OCLN: variants seen among roughly 807,000 people sequenced by gnomAD.
OCLN encodes the protein occludin, also known as phosphatase 1, regulatory subunit 115.
OCLN carries 21 observed loss-of-function variants against 47.9 expected under a neutral mutation model. The observed-to-expected ratio is 0.44, with a 90% CI of 0.31 to 0.63. The LOEUF is 0.63. Among genes scored for constraint, OCLN ranks in the 30% least tolerant of loss-of-function variants. OCLN has a pLI of 0.08. For synonymous variants in OCLN, 117 were observed against 198.4 expected (o/e 0.59, Z 3.45); for missense variants, 360 against 571.0 (o/e 0.63, Z 3.77).
chr5:69,500,215 G>T (rs963280487), intron 1 of OCLN, among the ~76,000 whole-genome samples: 1 of 152,098 alleles, frequency 6.6e-6, no homozygotes, highest in South Asian at 2.1e-4. Flanking sequence ...ATTGGGTGCC[G>T]TAATCCAGCC....
At chr5:69,549,698 T>G (rs1193417408) in intron 7 of OCLN, among the ~76,000 whole-genome samples, 2 of 151,468 alleles carry the variant, frequency 1.3e-5, no homozygotes, top group African/African-American at 4.8e-5. Flanking sequence ...TTACACCACC[T>G]TTTAGAGGGA....
At chr5:69,497,647 C>T (rs1295839098) in intron 1 of OCLN, among the ~76,000 whole-genome samples, 1 of 152,044 alleles carries the variant, frequency 6.6e-6, no homozygotes, top group Admixed American at 6.6e-5. Context: ...TCCCAAAGTG[C>T]TGGGATTACA....
At chr5:69,522,932 C>T (rs1373776455) in intron 4 of OCLN, among the ~76,000 whole-genome samples, 12 of 121,864 alleles carry the variant, frequency 9.8e-5, no homozygotes, top group Non-Finnish European at 1.5e-4. Context: ...TTCGCTATGT[C>T]GCCCAGGCTA....
chr5:69,496,085 A>G (rs1768279770), intron 1 of OCLN, among the ~76,000 whole-genome samples: 1 of 152,134 alleles, frequency 6.6e-6, no homozygotes, highest in Admixed American at 6.6e-5. Context: ...ATCATTTAAT[A>G]TAAGGCACAA....
chr5:69,498,056 C>T (rs1470736554), intron 1 of OCLN, among the ~76,000 whole-genome samples: 2 of 151,308 alleles, frequency 1.3e-5, no homozygotes, highest in Admixed American at 6.6e-5. Flanking sequence ...GGCGTGAACC[C>T]GGGAGGCGGA....
At chr5:69,515,153 G>T (rs1384142489) in intron 4 of OCLN, among the ~76,000 whole-genome samples, 4 of 149,916 alleles carry the variant, frequency 2.7e-5, no homozygotes, top group African/African-American at 7.4e-5. Flanking sequence ...CGGGCGGGGG[G>T]CTGACCCCCC....
rs1203237945 is a variant in OCLN at position 69,553,829 on chromosome 5, A to T, written c.*158A>T. On this transcript the variant is annotated 3_prime_UTR_variant, in exon 9 of 9. Transcript: ENST00000396442. The stretch of plus-strand genomic sequence containing the variant: ...CATCATCAGTATTGAAGCATTTTAT[A>T]AATCGCTTTTGATAATCAACTGGGC... The T allele has an allele frequency of 3.9e-5, 42 of 1,076,678 alleles. No homozygotes were observed. Among genetic ancestry groups the T allele is most frequent in the Middle Eastern group, 2.8e-4 (1 of 3,586 alleles). The allele number at this position is 1,076,678 out of a possible 1,614,324, so 66.7% of individuals were successfully genotyped here. A position where few individuals can be genotyped will look rare whatever the true frequency, so the allele number is the denominator to read the frequency against.
intron 3 of OCLN, among the ~76,000 whole-genome samples, chr5:69,510,099 C>T (rs550102957): frequency 5.1e-4 from 78 of 152,328 alleles, no homozygotes; most frequent in African/African-American, 1.8e-3. Context: ...TAAAAAGAAA[C>T]TTGTACCCGT....
At chr5:69,502,782 C>T (rs1580546464) in intron 1 of OCLN, among the ~76,000 whole-genome samples, 1 of 152,118 alleles carries the variant, frequency 6.6e-6, no homozygotes, top group East Asian at 1.9e-4. Flanking sequence ...TGAGACTTGT[C>T]TTTTTCCTGG....
At chr5:69,508,157 C>T (rs1202901655) in intron 2 of OCLN, among the ~76,000 whole-genome samples, 1 of 152,084 alleles carries the variant, frequency 6.6e-6, no homozygotes, top group African/African-American at 2.4e-5. Context: ...ATTTTCGTGC[C>T]TCAGCCTCCC....
chr5:69,532,521 C>G (rs1769460325), intron 4 of OCLN, among the ~76,000 whole-genome samples: 1 of 152,094 alleles, frequency 6.6e-6, no homozygotes, highest in South Asian at 2.1e-4. Context: ...ATTCCTTTGC[C>G]TTAAAACAAC....
intron 4 of OCLN, among the ~76,000 whole-genome samples, chr5:69,515,029 G>A (rs892362925): frequency 6.6e-6 from 1 of 152,094 alleles, no homozygotes; most frequent in African/African-American, 2.4e-5. Flanking sequence ...CTTTCTCAAT[G>A]AGCTGTTGGG....
rs151298461 is a variant in OCLN at position 69,520,233 on chromosome 5, A to G, written c.891+6124A>G. On this transcript the variant is annotated intron_variant, in intron 4 of 8. Transcript: ENST00000396442. ...CTCGGCCTCCCAAAGTGCTAGGATT[A>G]TAGGCGTCAGCCACCATGCCTGGCC... Among the ~76,000 whole-genome samples, 382 of 151,802 alleles carry G rather than the reference A, an allele frequency of 2.5e-3. 6 individuals carry two copies. The highest frequency in any genetic ancestry group is 0.022 in the East Asian group (115 of 5,162).
chr5:69,536,136 T>A (rs1769578409), intron 5 of OCLN, among the ~76,000 whole-genome samples: 1 of 152,100 alleles, frequency 6.6e-6, no homozygotes, highest in Non-Finnish European at 1.5e-5. Context: ...AATAAATAAA[T>A]AAATAAATGG....
chr5:69,506,282 AGAAT>A (rs573430568), intron 2 of OCLN, among the ~76,000 whole-genome samples: 1 of 152,180 alleles, frequency 6.6e-6, no homozygotes, highest in Non-Finnish European at 1.5e-5. Flanking sequence ...CTGTCTTTTA[AGAAT>A]GAATGAATGA....
In OCLN at chr5:69,509,342, C is replaced by T. The variant is rs763064527; in HGVS notation, c.252C>T (p.Ala84=). The change falls in exon 3 of 9, where the codon GCC becomes GCT. Residue 84 remains alanine, a synonymous_variant. Coordinates refer to ENST00000396442, the MANE Select transcript of OCLN (RefSeq NM_001205254.2). The stretch of plus-strand genomic sequence containing the variant: ...GCATTGCCATCTTTGCCTGTGTGGC[C>T]TCCACGCTTGCCTGGGACAGAGGCT... ...VMCIAIFACV[A]STLAWDRGYG... is the part of the protein sequence containing the mutation. 87 of 1,614,042 alleles carry T rather than the reference C, an allele frequency of 5.4e-5. No individual in the cohort carries two copies. Among genetic ancestry groups the T allele is most frequent in the Non-Finnish European group, 6.8e-5 (80 of 1,180,044 alleles).
chr5:69,499,638 G>A (rs1486671407), intron 1 of OCLN, among the ~76,000 whole-genome samples: 4 of 151,922 alleles, frequency 2.6e-5, no homozygotes, highest in Non-Finnish European at 2.9e-5. Context: ...AGGCTGGAGT[G>A]CAGTGGCGTG....
rs971367949 is a variant in OCLN, at chr5:69,509,375, T to C, written c.285T>C (p.Thr95=). The C allele has an allele frequency of 6.2e-7, 1 of 1,614,226 alleles. No individual in the cohort carries two copies. The highest frequency in any genetic ancestry group is 1.7e-5 in the Admixed American group (1 of 60,024). Reference sequence around the variant, plus strand: ...TTGCCTGGGACAGAGGCTATGGAACTTCCCTTTTAGGAGGTAGTGTAGGCT... The same window carrying C: ...TTGCCTGGGACAGAGGCTATGGAACCTCCCTTTTAGGAGGTAGTGTAGGCT... ...STLAWDRGYG[T]SLLGGSVGYP... is the part of the protein sequence containing the mutation. Residue 95 remains threonine (T), a synonymous_variant, in exon 3 of 9, where the codon ACT becomes ACC. Transcript: ENST00000396442.
At position 69,557,308 on chromosome 5, in the gene OCLN, C is replaced by T; in HGVS notation, c.*3637C>T. On this transcript the variant is annotated 3_prime_UTR_variant, in exon 9 of 9. Coordinates refer to ENST00000396442, the MANE Select transcript of OCLN (RefSeq NM_001205254.2). ...GGGACCTTGGAGAAATTAACTTAGC[C>T]TCTCTGTACTTCAGTTTTTTGTATT... is the stretch of plus-strand genomic sequence containing the variant. 2.3e-5 allele frequency: 2 copies of T among 85,256 alleles called. 1 individual carries two copies. Among genetic ancestry groups the T allele is most frequent in the Non-Finnish European group, 7.2e-5 (2 of 27,946 alleles). 5.3% of individuals were successfully genotyped at this position (85,256 alleles called of 1,614,324 possible).
Sources: allele counts gnomAD v4.1 joint callset (sites outside exome capture counted in the v4.1 genomes callset), GRCh38; gene constraint gnomAD v4.1.1; transcripts MANE v1.5; gene names NCBI Gene and HGNC (gene_info 2026-07-23, HGNC 2026-07-21).